The following ESF1 variants were observed in gnomAD, a reference collection of about 807,000 sequenced individuals.
ESF1 encodes the protein ESF1 nucleolar pre-rRNA processing protein, also known as ESF1 homolog.
A neutral mutation model predicts 92.0 loss-of-function variants in ESF1; 58 were observed. That is an observed-to-expected ratio of 0.63 (90% CI 0.51 to 0.78). The LOEUF is 0.78. Among genes scored for constraint, ESF1 ranks in the 30% least tolerant of loss-of-function variants. The pLI, the probability that ESF1 is intolerant of heterozygous loss-of-function variation, is 0.00. For synonymous variants in ESF1, 321 were observed against 313.7 expected, an observed-to-expected ratio of 1.02 and a Z score of -0.24; for missense variants, 922 against 989.1, an observed-to-expected ratio of 0.93 and a Z score of 0.91.
In ESF1 at chr20:13,715,115, T is replaced by C. The variant is rs35614984; in HGVS notation, c.2315A>G (p.Asn772Ser). Residue 772 changes from asparagine (N) to serine (S), a missense_variant, in exon 14 of 14, where the codon AAT becomes AGT. Asn to Ser is a conservative substitution (Grantham distance 46). Coordinates refer to ENST00000617257, the MANE Select transcript of ESF1 (RefSeq NM_001276380.2). ...FQAMYTSHLF[N>S]LDPSDPNFKK... ...GAAATTGGGATCTGAGGGGTCCAAA[T>C]TGAACAAGTGGGAAGTGTACATTGC... 1.0e-4 allele frequency: 163 copies of C among 1,613,754 alleles called. No individual in the cohort carries two copies. Among genetic ancestry groups the C allele is most frequent in the Middle Eastern group, 6.6e-4 (4 of 6,058 alleles).
At chr20:13,718,555 T>C (rs756671537) in intron 12 of ESF1, among the ~76,000 whole-genome samples, 1 of 152,206 alleles carries the variant, frequency 6.6e-6, no homozygotes, top group African/African-American at 2.4e-5. Context: ...CAGATTCAGA[T>C]TGAATTAAAA....
intron 2 of ESF1, among the ~76,000 whole-genome samples, chr20:13,779,573 T>C (rs1480603652): frequency 6.6e-6 from 1 of 152,232 alleles, no homozygotes; most frequent in Non-Finnish European, 1.5e-5. Context: ...CTTGCTCTGT[T>C]GCCCAGGCTG....
Position 13,782,633 on chromosome 20 carries a change from T to C in ESF1, c.508A>G (p.Lys170Glu). Residue 170 changes from lysine to glutamate, a missense_variant, in exon 2 of 14, where the codon AAA (lysine) becomes GAA (glutamate). Transcript: ENST00000617257. ...TCTGTAGTATGTTGAACAATGTTTT[T>C]TTTCTCTTTCTTATTTTTTTGTGTA... ...EFTQKNKKEK[K>E]NIVQHTTDSS... The C allele has an allele frequency of 6.2e-7, 1 of 1,608,392 alleles. No individual in the cohort carries two copies. Among genetic ancestry groups the C allele is most frequent in the Non-Finnish European group, 8.5e-7 (1 of 1,178,694 alleles).
At chr20:13,753,008 A>G (rs1978709355) in intron 9 of ESF1, among the ~76,000 whole-genome samples, 1 of 152,100 alleles carries the variant, frequency 6.6e-6, no homozygotes, top group Non-Finnish European at 1.5e-5. Flanking sequence ...CCCAAGAGTA[A>G]GTATTCTAGA....
intron 4 of ESF1, among the ~76,000 whole-genome samples, chr20:13,773,767 G>A (rs1200418946): frequency 6.6e-6 from 1 of 152,140 alleles, no homozygotes; most frequent in Non-Finnish European, 1.5e-5. Flanking sequence ...GCGACAGGGT[G>A]AGTTTTTATA....
chr20:13,780,599 C>T (rs1339763489), intron 2 of ESF1, among the ~76,000 whole-genome samples: 3 of 152,042 alleles, frequency 2.0e-5, no homozygotes, highest in Non-Finnish European at 4.4e-5. Flanking sequence ...CTCTGCTTAT[C>T]AAGACCTCTT....
rs1980607211 is a variant in ESF1 at position 13,784,860 on chromosome 20, T to A, written c.-44+20A>T. The A allele has an allele frequency of 1.7e-6, 1 of 597,474 alleles. No individual in the cohort carries two copies. Among genetic ancestry groups the A allele is most frequent in the Non-Finnish European group, 3.0e-6 (1 of 336,156 alleles). The allele number at this position is 597,474 out of a possible 1,614,324, so 37.0% of individuals were successfully genotyped here. A position where few individuals can be genotyped will look rare whatever the true frequency, so the allele number is the denominator to read the frequency against. On this transcript the variant is annotated intron_variant, in intron 1 of 13. Transcript: ENST00000617257. ...AGCCCTTCATCTCGAGCTCTTCAACTCCAGTCCATCCCCACTCACCGTCCG... is the reference window on the plus strand; with the variant it reads ...AGCCCTTCATCTCGAGCTCTTCAACACCAGTCCATCCCCACTCACCGTCCG...
intron 13 of ESF1, among the ~76,000 whole-genome samples, chr20:13,716,642 CTTTTTTTTTT>C (rs1274212917): frequency 4.8e-4 from 64 of 132,898 alleles, no homozygotes; most frequent in African/African-American, 1.5e-3. Flanking sequence ...CTTTTTTTTT[CTTTTTTTTTT>C]TTTTTTGAGA....
intron 8 of ESF1, chr20:13,762,854 G>T (rs1250594234): frequency 2.0e-3 from 366 of 186,710 alleles, no homozygotes; most frequent in East Asian, 3.4e-3. Flanking sequence ...ATTTATTAAA[G>T]TTTTTTTTTT....
At chr20:13,760,856 G>A (rs1174437735) in intron 8 of ESF1, among the ~76,000 whole-genome samples, 9 of 152,224 alleles carry the variant, frequency 5.9e-5, no homozygotes, top group African/African-American at 1.7e-4. Context: ...CCTCTTCCCC[G>A]GCCACCACCC....
chr20:13,769,816 T>C, intron 7 of ESF1, 91 bp downstream of exon 7: 1 of 877,722 alleles, frequency 1.1e-6, no homozygotes, highest in Non-Finnish European at 1.8e-6. Context: ...AAATTAATAC[T>C]TTCCATTTTT....
chr20:13,771,735 T>A (rs897329003), intron 5 of ESF1, among the ~76,000 whole-genome samples: 1 of 152,130 alleles, frequency 6.6e-6, no homozygotes, highest in Admixed American at 6.5e-5. Flanking sequence ...TGTTTATCTA[T>A]AATTTAACTC....
Position 13,783,121 on chromosome 20 carries a change from A to C in ESF1, c.20T>G (p.Ile7Arg). ...CCGTCTAAACCGCTGGTCACTCATT[A>C]TTTCTTGTTTGGATGACATTTTTAA... MSSKQEIMSDQRFRRVA... is the reference protein window; with the variant it reads MSSKQERMSDQRFRRVA... The change falls in exon 2 of 14, where the codon ATA becomes AGA. Residue 7 changes from isoleucine to arginine, a missense_variant. Ile to Arg is a moderately conservative substitution (Grantham distance 97). Transcript: ENST00000617257. 6 of 1,599,248 alleles carry C rather than the reference A, an allele frequency of 3.8e-6. No homozygotes were observed. Among genetic ancestry groups the C allele is most frequent in the Non-Finnish European group, 5.1e-6 (6 of 1,169,264 alleles).
chr20:13,776,207 C>T lies in ESF1; in HGVS notation c.701G>A (p.Cys234Tyr). 1 of 1,613,798 alleles carries T rather than the reference C, an allele frequency of 6.2e-7. No homozygotes were observed. Among genetic ancestry groups the T allele is most frequent in the Non-Finnish European group, 8.5e-7 (1 of 1,179,886 alleles). The change falls in exon 3 of 14, where the codon TGT becomes TAT. Residue 234 changes from cysteine to tyrosine, a missense_variant. Transcript: ENST00000617257. ...GYENSTDGEM[C>Y]DKDALEEDSE... Reference sequence around the variant, plus strand: ...ATCTTCCTCCAGAGCATCTTTGTCACACATTTCACCATCTGTTGAGTTTTC... The same window carrying T: ...ATCTTCCTCCAGAGCATCTTTGTCATACATTTCACCATCTGTTGAGTTTTC...
Position 13,776,054 on chromosome 20 carries a change from T to A in ESF1, c.854A>T (p.Asp285Val), listed in dbSNP as rs1280897382. 4 of 1,613,244 alleles carry A rather than the reference T, an allele frequency of 2.5e-6. No homozygotes were observed. The Admixed American group carries it at 5.0e-5, about 20-fold the overall frequency. Residue 285 changes from aspartate (D) to valine (V), a missense_variant, in exon 3 of 14, where the codon GAT becomes GTT. Asp to Val is a radical substitution (Grantham distance 152, BLOSUM62 -3). Coordinates refer to ENST00000617257, the MANE Select transcript of ESF1 (RefSeq NM_001276380.2). ...DEEEDEDEEEDEDEDSEDDDK... is the reference protein window; with the variant it reads ...DEEEDEDEEEVEDEDSEDDDK... ...ATCATCCTCACTATCCTCATCTTCA[T>A]CCTCCTCTTCATCTTCATCCTCCTC...
At chr20:13,722,684 C>T (rs1343039994) in intron 11 of ESF1, among the ~76,000 whole-genome samples, 1 of 137,640 alleles carries the variant, frequency 7.3e-6, no homozygotes, top group African/African-American at 2.6e-5. Flanking sequence ...ACCCCAGCTC[C>T]ACATTTTTTT....
intron 10 of ESF1, among the ~76,000 whole-genome samples, chr20:13,732,882 C>T (rs569592073): frequency 1.3e-5 from 2 of 151,478 alleles, no homozygotes; most frequent in African/African-American, 4.8e-5. Flanking sequence ...ACAGAAACCA[C>T]ATTAACACAG....
chr20:13,746,192 T>C (rs2050047300), intron 9 of ESF1, among the ~76,000 whole-genome samples: 1 of 152,222 alleles, frequency 6.6e-6, no homozygotes, highest in South Asian at 2.1e-4. Flanking sequence ...CTTGAACTCT[T>C]GGCCTCAAGT....
In ESF1 at chr20:13,733,784, C is replaced by G. The variant is rs2049959203; in HGVS notation, c.1887G>C (p.Leu629=). The G allele has an allele frequency of 6.2e-7, 1 of 1,612,998 alleles. No homozygotes were observed. Among genetic ancestry groups the G allele is most frequent in the Non-Finnish European group, 8.5e-7 (1 of 1,179,792 alleles). The part of the protein sequence containing the change: ...VKNKLEGKDK[L]TPWEQFLEKK... ...TCTCTAAAAATTGTTCCCAAGGGGT[C>G]AGTTTATCCTTTCCTTCCAATTTGT... Residue 629 remains leucine (L), a synonymous_variant, in exon 10 of 14, where the codon CTG becomes CTC. Coordinates refer to ENST00000617257, the MANE Select transcript of ESF1 (RefSeq NM_001276380.2).
Sources: gnomAD v4.1 joint callset for allele counts (sites outside exome capture counted in the v4.1 genomes callset) on GRCh38, gnomAD v4.1.1 for gene constraint, MANE v1.5 for transcripts, NCBI Gene and HGNC (gene_info 2026-07-23, HGNC 2026-07-21) for gene names.